Variants in FANCG observed in about 807,000 individuals in gnomAD.
The protein encoded by FANCG is Fanconi anemia group G protein.
A neutral mutation model predicts 73.3 loss-of-function variants in FANCG; 67 were observed. The ratio of observed to expected loss-of-function variants is 0.91; its 90% CI spans 0.75 to 1.12. The LOEUF is 1.12. FANCG is among the 50% of genes most tolerant of loss of function. The pLI, the probability that FANCG is intolerant of heterozygous loss-of-function variation, is 0.00. For synonymous variants in FANCG, 297 were observed against 311.6 expected (o/e 0.95, Z 0.49); for missense variants, 643 against 735.6 (o/e 0.87, Z 1.46).
At position 35,079,677 on chromosome 9, in the gene FANCG, G is replaced by C. The variant is rs1291051960; in HGVS notation, c.-153C>G. 1 of 750,588 alleles carries C rather than the reference G, an allele frequency of 1.3e-6. No homozygotes were observed. The highest frequency in any genetic ancestry group is 2.1e-5 in the Admixed American group (1 of 48,718). The allele number at this position is 750,588 out of a possible 1,614,324, so 46.5% of individuals were successfully genotyped here. A position where few individuals can be genotyped will look rare whatever the true frequency, so the allele number is the denominator to read the frequency against. Reference sequence around the variant, plus strand: ...CTCGGGGTCCCAATCCACCCGCCCAGGCTTTCCAGGACAGATGGGACGCTC... The same window carrying C: ...CTCGGGGTCCCAATCCACCCGCCCACGCTTTCCAGGACAGATGGGACGCTC... On this transcript the variant is annotated 5_prime_UTR_variant, in exon 1 of 14. Coordinates refer to ENST00000378643, the MANE Select transcript of FANCG (RefSeq NM_004629.2).
intron 5 of FANCG, 61 bp downstream of exon 5, chr9:35,077,203 G>A: frequency 6.2e-7 from 1 of 1,613,956 alleles, no homozygotes. Flanking sequence ...GGACAAGAGA[G>A]AGGGCATGAG....
Position 35,076,754 on chromosome 9 carries a change from T to C in FANCG, c.894A>G (p.Ala298=). 1 of 1,614,214 alleles carries C rather than the reference T, an allele frequency of 6.2e-7. No individual in the cohort carries two copies. The highest frequency in any genetic ancestry group is 8.5e-7 in the Non-Finnish European group (1 of 1,180,036). ...CTAGCAGCTCCAGACTCTCCAGCTC[T>C]GCTGTTGTGTCCCCCAGTTGCTGAT... ...RLYQQLGDTT[A]ELESLELLVE... Residue 298 remains alanine, a synonymous_variant, in exon 7 of 14, where the codon GCA becomes GCG. Coordinates refer to ENST00000378643, the MANE Select transcript of FANCG (RefSeq NM_004629.2).
chr9:35,075,695 C>T lies in FANCG; in HGVS notation c.1203G>A (p.Ala401=), dbSNP rs770325434. The part of the protein sequence containing the change: ...PCMPEVFLEA[A]VALIQAGRAQ... ...CTCTGCCTGCCTGGATCAGTGCTAC[C>T]GCTGCCTCCAAAAACACCTCAGGCA... The change falls in exon 10 of 14, where the codon GCG becomes GCA. Residue 401 remains alanine (A), a synonymous_variant. Coordinates refer to ENST00000378643, the MANE Select transcript of FANCG (RefSeq NM_004629.2). The T allele has an allele frequency of 6.2e-6, 10 of 1,607,376 alleles. No homozygotes were observed. The highest frequency in any genetic ancestry group is 2.2e-5 in the East Asian group (1 of 44,748).
At position 35,075,515 on chromosome 9, in the gene FANCG, CTGGCCCTGAAGCAGGTGGG is replaced by C. The variant is rs1233640003; in HGVS notation, c.1364_1382del (p.Thr455ArgfsTer57). 6.2e-7 allele frequency: 1 copy of C among 1,614,066 alleles called. No homozygotes were observed. The highest frequency in any genetic ancestry group is 8.5e-7 in the Non-Finnish European group (1 of 1,180,034). On this transcript the variant is annotated frameshift_variant, in exon 10 of 14. Transcript: ENST00000378643. LOFTEE classifies it high-confidence loss of function. Reference sequence around the variant, plus strand: ...TTTGGGCACCCAGTTGAACCCAGGCCTGGCCCTGAAGCAGGTGGGTGGCAGAGACCCAGAGTGGGCAGTA... The same window carrying C: ...TTTGGGCACCCAGTTGAACCCAGGCCTGGCAGAGACCCAGAGTGGGCAGTA...
chr9:35,079,255 G>A lies in FANCG; in HGVS notation c.85-14C>T, dbSNP rs1311810654. On this transcript the variant is annotated splice_polypyrimidine_tract_variant and intron_variant, in intron 1 of 13. Coordinates refer to ENST00000378643, the MANE Select transcript of FANCG (RefSeq NM_004629.2). ...GTTCTGAGCCACCTGCCACATGAGGGAGGGGTTGTCACTGAGGATCAATCC... is the reference window on the plus strand; with the variant it reads ...GTTCTGAGCCACCTGCCACATGAGGAAGGGGTTGTCACTGAGGATCAATCC... 9.4e-6 allele frequency: 15 copies of A among 1,603,714 alleles called. No homozygotes were observed. Among genetic ancestry groups the A allele is most frequent in the Non-Finnish European group, 1.3e-5 (15 of 1,174,438 alleles).
chr9:35,077,142 G>A (rs1829100593), intron 5 of FANCG, 41 bp from the exon 6 acceptor site: 1 of 1,614,152 alleles, frequency 6.2e-7, no homozygotes, highest in Non-Finnish European at 8.5e-7. Flanking sequence ...GGGCTATAGA[G>A]CAGGGGTCAT....
At chr9:35,076,063 C>T (rs1829077302) in intron 8 of FANCG, 35 bp from the exon 9 acceptor site, 1 of 1,600,592 alleles carries the variant, frequency 6.2e-7, no homozygotes, top group East Asian at 2.2e-5. Flanking sequence ...TCACCCTAGG[C>T]CCTAGCAGGG....
chr9:35,075,884 A>C, intron 9 of FANCG, 78 bp downstream of exon 9: 1 of 1,575,240 alleles, frequency 6.3e-7, no homozygotes. Flanking sequence ...AAAAAACAAA[A>C]AATTGCAGTC....
chr9:35,075,933 A>G, intron 9 of FANCG, 29 bp downstream of exon 9: 1 of 1,613,124 alleles, frequency 6.2e-7, no homozygotes, highest in Non-Finnish European at 8.5e-7. Flanking sequence ...CGTCTACCCC[A>G]TTGCAGAGAA....
rs2131060301 is a variant in FANCG at position 35,079,467 on chromosome 9, T to C, written c.58A>G (p.Asn20Asp). ...SSCLDLWREK[N>D]DRLVRQAKVA... ...TTGGCCTGTCGAACGAGCCGGTCAT[T>C]CTTTTCCCTCCACAGGTCCAGGCAG... The change falls in exon 1 of 14, where the codon AAT becomes GAT. Residue 20 changes from asparagine (N) to aspartate (D), a missense_variant. Physicochemically the swap from Asn to Asp is conservative, Grantham distance 23 (BLOSUM62 1). Coordinates refer to ENST00000378643, the MANE Select transcript of FANCG (RefSeq NM_004629.2). The C allele has an allele frequency of 6.2e-7, 1 of 1,614,092 alleles. No homozygotes were observed. Among genetic ancestry groups the C allele is most frequent in the Non-Finnish European group, 8.5e-7 (1 of 1,180,024 alleles).
chr9:35,074,917 G>C lies in FANCG; in HGVS notation c.1636+10C>G, dbSNP rs1291672216. 6 of 1,614,184 alleles carry C rather than the reference G, an allele frequency of 3.7e-6. No individual in the cohort carries two copies. In the East Asian group the frequency reaches 1.3e-4, roughly 36 times the overall value. On this transcript the variant is annotated intron_variant, in intron 12 of 13. Transcript: ENST00000378643. Reference sequence around the variant, plus strand: ...TCTATGCATAGCCGACGTCATGCAAGTATACATACCTGGGCACATCTGCAC... The same window carrying C: ...TCTATGCATAGCCGACGTCATGCAACTATACATACCTGGGCACATCTGCAC...
At position 35,075,080 on chromosome 9, in the gene FANCG, C is replaced by T. The variant is rs377131596; in HGVS notation, c.1483G>A (p.Ala495Thr). 26 of 1,613,742 alleles carry T rather than the reference C, an allele frequency of 1.6e-5. No homozygotes were observed. Among genetic ancestry groups the T allele is most frequent in the Middle Eastern group, 1.7e-4 (1 of 5,914 alleles). The change falls in exon 12 of 14, where the codon GCA becomes ACA. Residue 495 changes from alanine to threonine, a missense_variant and splice_region_variant. Transcript: ENST00000378643. ...RATPEEKEQG[A>T]AFNCEQGCKS... ...CATCCCTGCTCACAGTTGAAAGCTG[C>T]CCCTGGGGACCACTCCCAAAGTCAA...
At position 35,075,457 on chromosome 9, in the gene FANCG, G is replaced by A. The variant is rs772542885; in HGVS notation, c.1433+8C>T. On this transcript the variant is annotated splice_region_variant and intron_variant, in intron 10 of 13. Coordinates refer to ENST00000378643, the MANE Select transcript of FANCG (RefSeq NM_004629.2). ...CCCTCCACACCCCCTCTAGGACCCC[G>A]GGCTCACCTGCTAAATTCACTAATT... The A allele has an allele frequency of 9.3e-6, 15 of 1,613,906 alleles. No homozygotes were observed. The highest frequency in any genetic ancestry group is 4.0e-5 in the African/African-American group (3 of 74,888).
In FANCG at chr9:35,075,321, G is replaced by A. The variant is rs754927660; in HGVS notation, c.1438C>T (p.Leu480Phe). 1 of 1,614,134 alleles carries A rather than the reference G, an allele frequency of 6.2e-7. No individual in the cohort carries two copies. Among genetic ancestry groups the A allele is most frequent in the Non-Finnish European group, 8.5e-7 (1 of 1,180,038 alleles). ...GGTGTGGCCCGGAAGAGCAGCTCGA[G>A]GCACCTGAAGTAGGACACAGAACAG... The part of the protein sequence containing the change: ...KVAISEFSRC[L>F]ELLFRATPEE... Residue 480 changes from leucine to phenylalanine, a missense_variant, in exon 11 of 14, where the codon CTC becomes TTC. Coordinates refer to ENST00000378643, the MANE Select transcript of FANCG (RefSeq NM_004629.2).
In FANCG at chr9:35,075,560, T is replaced by A. The variant is rs758656355; in HGVS notation, c.1338A>T (p.Pro446=). The change falls in exon 10 of 14, where the codon CCA becomes CCT. Residue 446 remains proline, a synonymous_variant. Transcript: ENST00000378643. ...EDARKGTKEL[P]YCPLWVSATH... is the part of the protein sequence containing the mutation. ...TGGCAGAGACCCAGAGTGGGCAGTA[T>A]GGCAGTTCCTTGGTTCCTTTTCTGG... The A allele has an allele frequency of 5.6e-6, 9 of 1,614,080 alleles. No homozygotes were observed. Among genetic ancestry groups the A allele is most frequent in the Non-Finnish European group, 7.6e-6 (9 of 1,180,002 alleles).
intron 11 of FANCG, 90 bp from the exon 12 acceptor site, chr9:35,075,172 A>T (rs1246857633): frequency 6.2e-7 from 1 of 1,605,980 alleles, no homozygotes; most frequent in Non-Finnish European, 8.5e-7. Context: ...TTGTGTCCAC[A>T]GTCCCTTTCT....
intron 10 of FANCG, 69 bp downstream of exon 10, chr9:35,075,396 G>A (rs989531823): frequency 1.2e-6 from 2 of 1,610,658 alleles, no homozygotes; most frequent in Non-Finnish European, 1.7e-6. Flanking sequence ...AGGTGAACAT[G>A]GAGCTCACCA....
At chr9:35,077,494 CCTCTT>C in intron 4 of FANCG, 95 bp from the exon 5 acceptor site, 3 of 1,511,880 alleles carry the variant, frequency 2.0e-6, no homozygotes, top group Non-Finnish European at 2.8e-6. Context: ...GCTCAAGGGT[CCTCTT>C]GATCCTTGAG....
At position 35,078,482 on chromosome 9, in the gene FANCG, G is replaced by A. The variant is rs1829126938; in HGVS notation, c.307+123C>T. The A allele has an allele frequency of 1.2e-5, 18 of 1,528,560 alleles. 1 individual carries two copies. In the South Asian group the frequency reaches 2.0e-4, roughly 17 times the overall value. The allele number at this position is 1,528,560 out of a possible 1,614,324, so 94.7% of individuals were successfully genotyped here. On this transcript the variant is annotated intron_variant, in intron 3 of 13. Transcript: ENST00000378643. ...ATAATACCTCAACCTGGTCTGAAGA[G>A]CACAGAGAAGGGCACCTCTCTCCAT...
Sources: gnomAD v4.1 joint callset for allele counts on GRCh38, gnomAD v4.1.1 for gene constraint, MANE v1.5 for transcripts, NCBI Gene and HGNC (gene_info 2026-07-23, HGNC 2026-07-21) for gene names.